The following RBFOX1 variants were observed in gnomAD, a reference collection of about 807,000 sequenced individuals.
RBFOX1 encodes the protein RNA binding protein fox-1 homolog 1.
In RBFOX1, 8 loss-of-function variants were observed where a neutral mutation model predicts 57.7. The observed-to-expected ratio is 0.14, with a 90% CI of 0.08 to 0.25. The LOEUF is 0.25. Ranked by LOEUF, RBFOX1 falls within the 10% of genes least tolerant of loss-of-function variation. The pLI, the probability that RBFOX1 is intolerant of heterozygous loss-of-function variation, is 1.00. For missense variants in RBFOX1, 611 were observed against 548.5 expected, an observed-to-expected ratio of 1.11 and a Z score of -1.14; for synonymous variants, 326 against 222.4, an observed-to-expected ratio of 1.47 and a Z score of -4.15.
rs1233712074 is a variant in RBFOX1 at position 6,256,233 on chromosome 16, G to A, written c.-126-60762G>A. ...TGTGTATATATATGTATATATATAT[G>A]TGTATATATATATGTATATATATGT... On this transcript the variant is annotated intron_variant, in intron 1 of 15. Coordinates refer to ENST00000550418, the MANE Select transcript of RBFOX1 (RefSeq NM_018723.4). Among the ~76,000 whole-genome samples the A allele has an allele frequency of 3.1e-3, 131 of 42,108 alleles. 2 individuals carry two copies. The highest frequency in any genetic ancestry group is 9.4e-3 in the African/African-American group (123 of 13,040). The allele number at this position is 42,108 out of a possible 152,430, so 27.6% of individuals were successfully genotyped here. A position where few individuals can be genotyped will look rare whatever the true frequency, so the allele number is the denominator to read the frequency against.
chr16:6,671,595 T>G (rs569445776), intron 3 of RBFOX1, among the ~76,000 whole-genome samples: 4 of 152,170 alleles, frequency 2.6e-5, no homozygotes, highest in African/African-American at 9.6e-5. Flanking sequence ...CAATTTGTAG[T>G]TTTCTATCCC....
At chr16:5,439,638 C>T (rs1033866191) in intron 1 of RBFOX1, among the ~76,000 whole-genome samples, 10 of 151,964 alleles carry the variant, frequency 6.6e-5, no homozygotes, top group African/African-American at 2.4e-4. Flanking sequence ...ATGATGGTGT[C>T]CTTTAATGAG....
At chr16:5,418,650 T>A (rs2067225889) in intron 1 of RBFOX1, among the ~76,000 whole-genome samples, 1 of 152,132 alleles carries the variant, frequency 6.6e-6, no homozygotes, top group Non-Finnish European at 1.5e-5. Context: ...TCCCTTGTCC[T>A]CGCTCCTCTC....
intron 3 of RBFOX1, among the ~76,000 whole-genome samples, chr16:5,686,148 T>C (rs896207716): frequency 1.3e-5 from 2 of 152,152 alleles, no homozygotes; most frequent in African/African-American, 4.8e-5. Context: ...CTTGTGTGAA[T>C]TTTTACTCAA....
chr16:6,143,725 A>T (rs1416538013), intron 1 of RBFOX1, among the ~76,000 whole-genome samples: 1 of 152,016 alleles, frequency 6.6e-6, no homozygotes, highest in Non-Finnish European at 1.5e-5. Flanking sequence ...GGAAAGCTCA[A>T]AGTTTGCTCC....
At chr16:5,881,250 A>T (rs1328557165) in intron 4 of RBFOX1, among the ~76,000 whole-genome samples, 1 of 152,200 alleles carries the variant, frequency 6.6e-6, no homozygotes, top group Non-Finnish European at 1.5e-5. Context: ...GGATGAGTCC[A>T]AGCTCAAATT....
At chr16:7,418,330 A>G (rs375406714) in intron 4 of RBFOX1, among the ~76,000 whole-genome samples, 10 of 152,240 alleles carry the variant, frequency 6.6e-5, no homozygotes, top group Non-Finnish European at 1.0e-4. Context: ...TTCATGCCCA[A>G]TTTTCACAGG....
chr16:5,448,362 A>AC (rs2068317891), intron 1 of RBFOX1, among the ~76,000 whole-genome samples: 1 of 152,184 alleles, frequency 6.6e-6, no homozygotes, highest in Non-Finnish European at 1.5e-5. Context: ...AGGCAAAAAA[A>AC]CTGGAATAAG....
At chr16:5,460,711 C>G (rs1245039487) in intron 1 of RBFOX1, among the ~76,000 whole-genome samples, 1 of 152,210 alleles carries the variant, frequency 6.6e-6, no homozygotes, top group Non-Finnish European at 1.5e-5. Flanking sequence ...CTGCTGTTTC[C>G]TCCTCTTTTC....
At chr16:5,991,222 C>T (rs74006539) in intron 4 of RBFOX1, among the ~76,000 whole-genome samples, 219 of 152,224 alleles carry the variant, frequency 1.4e-3, no homozygotes, top group African/African-American at 5.0e-3. Context: ...TTTTCATATT[C>T]CCCATTTGCA....
chr16:6,167,522 T>C (rs35988762), intron 1 of RBFOX1, among the ~76,000 whole-genome samples: 7,614 of 152,288 alleles, frequency 0.05, 333 homozygotes, highest in African/African-American at 0.12. Context: ...ACTCTTTGTT[T>C]TGGGGACTGA....
chr16:5,460,416 G>A (rs925295716), intron 1 of RBFOX1, among the ~76,000 whole-genome samples: 3 of 151,958 alleles, frequency 2.0e-5, no homozygotes, highest in African/African-American at 7.2e-5. Context: ...TATTTTAAGG[G>A]ACTTGTAAGT....
At chr16:5,386,156 C>G (rs2066249436) in intron 1 of RBFOX1, among the ~76,000 whole-genome samples, 1 of 151,258 alleles carries the variant, frequency 6.6e-6, no homozygotes, top group Non-Finnish European at 1.5e-5. Context: ...AGTGATCACC[C>G]ACTAAGAGGT....
intron 13 of RBFOX1, among the ~76,000 whole-genome samples, chr16:7,665,219 G>C (rs927245455): frequency 6.6e-6 from 1 of 152,082 alleles, no homozygotes; most frequent in African/African-American, 2.4e-5. Context: ...CCCCAAAAAG[G>C]TGGCATTTCT....
intron 4 of RBFOX1, among the ~76,000 whole-genome samples, chr16:5,936,839 C>T (rs2059177980): frequency 6.6e-6 from 1 of 152,102 alleles, no homozygotes; most frequent in African/African-American, 2.4e-5. Flanking sequence ...GAGGTGATCC[C>T]CAGAAAGCCA....
chr16:6,924,185 A>AATC (rs2075082822), intron 3 of RBFOX1, among the ~76,000 whole-genome samples: 1 of 151,108 alleles, frequency 6.6e-6, no homozygotes, highest in Non-Finnish European at 1.5e-5. Context: ...TAATAATAAT[A>AATC]ATAATAATAG....
chr16:6,076,297 C>G (rs1237187933), intron 1 of RBFOX1, among the ~76,000 whole-genome samples: 1 of 120,628 alleles, frequency 8.3e-6, no homozygotes, highest in Non-Finnish European at 2.0e-5. Flanking sequence ...AAAACTCTGT[C>G]TCAAAAAAAA....
At chr16:6,682,870 T>TAA (rs33948007) in intron 3 of RBFOX1, among the ~76,000 whole-genome samples, 34,812 of 115,308 alleles carry the variant, frequency 0.3, 5,119 homozygotes, top group East Asian at 0.56. Flanking sequence ...AGAAAAGAAT[T>TAA]AAAAAAAAAA....
chr16:5,706,315 C>T (rs2051246460), intron 3 of RBFOX1, among the ~76,000 whole-genome samples: 1 of 152,172 alleles, frequency 6.6e-6, no homozygotes, highest in Non-Finnish European at 1.5e-5. Context: ...CCTGATGTAG[C>T]ATGTCTGGAA....
Sources: gnomAD v4.1 joint callset for allele counts (sites outside exome capture counted in the v4.1 genomes callset) on GRCh38, gnomAD v4.1.1 for gene constraint, MANE v1.5 for transcripts, NCBI Gene and HGNC (gene_info 2026-07-23, HGNC 2026-07-21) for gene names.